Variants in THAP3 observed in about 807,000 individuals in gnomAD.
The protein encoded by THAP3 is THAP domain-containing protein 3.
THAP3 carries 12 observed loss-of-function variants against 17.7 expected under a neutral mutation model. That is an observed-to-expected ratio of 0.68 (90% confidence interval 0.43 to 1.10). THAP3 has a LOEUF of 1.10. THAP3 is among the 50% of genes least tolerant of loss of function. The pLI is 0.00. For missense variants in THAP3, 289 were observed against 318.0 expected, an observed-to-expected ratio of 0.91 and a Z score of 0.69; for synonymous variants, 133 against 126.9, an observed-to-expected ratio of 1.05 and a Z score of -0.32.
intron 4 of THAP3, 36 bp downstream of exon 4, chr1:6,630,389 T>C (rs989769790): frequency 1.2e-6 from 2 of 1,606,730 alleles, no homozygotes; most frequent in African/African-American, 2.7e-5. Context: ...AATGTTTAAA[T>C]TATGCTGTGG....
At chr1:6,627,876 C>CT (rs1487795087) in intron 2 of THAP3, 1 of 152,468 alleles carries the variant, frequency 6.6e-6, no homozygotes, top group Non-Finnish European at 1.5e-5. Context: ...CATCTCACCT[C>CT]TGTCTAGAGC....
chr1:6,633,931 CT>C, downstream of THAP3: 1 of 1,217,272 alleles, frequency 8.2e-7, no homozygotes, highest in South Asian at 1.4e-5. Context: ...AAAAAACTGA[CT>C]TCCTATTTTG....
intron 4 of THAP3, among the ~76,000 whole-genome samples, chr1:6,631,971 C>T (rs1305344660): frequency 6.8e-5 from 10 of 147,864 alleles, no homozygotes; most frequent in East Asian, 6.0e-4. Context: ...TGGTTGAACC[C>T]GGGAGGCAGA....
chr1:6,625,136 GCCCCTCCCCGCAGGTCCCT>G lies in THAP3; in HGVS notation c.-69-7_-58del, dbSNP rs1224410933. 16 of 994,770 alleles carry G rather than the reference GCCCCTCCCCGCAGGTCCCT, an allele frequency of 1.6e-5. No homozygotes were observed. Among genetic ancestry groups the G allele is most frequent in the Non-Finnish European group, 2.2e-5 (15 of 681,162 alleles). 61.6% of individuals were successfully genotyped at this position (994,770 alleles called of 1,614,324 possible). On this transcript the variant is annotated splice_acceptor_variant and splice_polypyrimidine_tract_variant and 5_prime_UTR_variant and intron_variant, in exon 2 of 6. Coordinates refer to ENST00000054650, the MANE Select transcript of THAP3 (RefSeq NM_001195753.2). LOFTEE classifies it low-confidence loss of function (5UTR_SPLICE). ...CCCGTCACCACCTCCCAGCGGCCCCGCCCCTCCCCGCAGGTCCCTCCCCTCTCCGCAGGCCCCGCCGCCG... is the reference window on the plus strand; with the variant it reads ...CCCGTCACCACCTCCCAGCGGCCCCGCCCCTCTCCGCAGGCCCCGCCGCCG...
intron 5 of THAP3, 101 bp from the exon 6 acceptor site, chr1:6,632,695 C>T (rs770859277): frequency 3.3e-6 from 5 of 1,495,654 alleles, no homozygotes; most frequent in Non-Finnish European, 4.6e-6. Flanking sequence ...GAGTGTCTAG[C>T]TGCCCTGGGG....
chr1:6,632,768 C>G, intron 5 of THAP3, 28 bp from the exon 6 acceptor site: 1 of 1,612,074 alleles, frequency 6.2e-7, no homozygotes, highest in South Asian at 1.1e-5. Context: ...GGTGATGCAG[C>G]TCTAGGCTCT....
At chr1:6,635,479 C>T, downstream of THAP3, 1 of 582,854 alleles carries the variant, frequency 1.7e-6, no homozygotes, top group South Asian at 2.3e-5. Context: ...CCCAGTGGGG[C>T]TGCCTCAGTC....
chr1:6,628,601 C>G lies in THAP3; in HGVS notation c.177C>G (p.Phe59Leu). The G allele has an allele frequency of 1.2e-6, 2 of 1,613,860 alleles. No individual in the cohort carries two copies. The highest frequency in any genetic ancestry group is 1.7e-6 in the Non-Finnish European group (2 of 1,180,012). ...KQHTVICSEH[F>L]RPECFSAFGN... ...ACACGGTCATCTGCTCCGAGCACTT[C>G]CGGCCAGAGTGCTTCAGCGCCTTTG... The change falls in exon 3 of 6, where the codon TTC becomes TTG. Residue 59 changes from phenylalanine to leucine, a missense_variant. By Grantham distance (22) the Phe-to-Leu change is conservative (BLOSUM62 0). Coordinates refer to ENST00000054650, the MANE Select transcript of THAP3 (RefSeq NM_001195753.2).
downstream of THAP3, chr1:6,635,487 G>A: frequency 1.6e-6 from 1 of 632,050 alleles, no homozygotes; most frequent in Non-Finnish European, 2.7e-6. Context: ...GGCTGCCTCA[G>A]TCCTACCCCC....
downstream of THAP3, among the ~76,000 whole-genome samples, chr1:6,633,866 C>T (rs1641698380): frequency 6.6e-6 from 1 of 152,132 alleles, no homozygotes; most frequent in South Asian, 2.1e-4. Context: ...GCCGAGATCA[C>T]ACCACTGCCC....
At chr1:6,625,618 C>T (rs1212986745) in intron 2 of THAP3, among the ~76,000 whole-genome samples, 2 of 151,952 alleles carry the variant, frequency 1.3e-5, no homozygotes, top group East Asian at 3.9e-4. Context: ...GCGCGCGGTC[C>T]TGAAGGGAGC....
downstream of THAP3, chr1:6,634,898 T>A: frequency 2.5e-6 from 3 of 1,185,388 alleles, no homozygotes; most frequent in Non-Finnish European, 3.2e-6. Context: ...AGCACTGCAC[T>A]CTGGAGGTGG....
downstream of THAP3, chr1:6,634,221 A>C (rs1641708233): frequency 2.1e-6 from 2 of 946,980 alleles, no homozygotes; most frequent in African/African-American, 1.6e-5. Context: ...AGTCGACTGC[A>C]AATGAAACGC....
rs1641522705 is a variant in THAP3 at position 6,628,528 on chromosome 1, A to C, written c.104A>C (p.Lys35Thr). 2 of 1,613,646 alleles carry C rather than the reference A, an allele frequency of 1.2e-6. No individual in the cohort carries two copies. Among genetic ancestry groups the C allele is most frequent in the African/African-American group, 2.7e-5 (2 of 75,032 alleles). Reference protein sequence around the residue: ...RFPFSRPELLKEWVLNIGRGN... With the variant: ...RFPFSRPELLTEWVLNIGRGN... ...CCGTTCAGCCGCCCGGAGCTGCTGA[A>C]GGAATGGGTGCTGAACATCGGCCGG... The change falls in exon 3 of 6, where the codon AAG (lysine) becomes ACG (threonine). Residue 35 changes from lysine (K) to threonine (T), a missense_variant. Coordinates refer to ENST00000054650, the MANE Select transcript of THAP3 (RefSeq NM_001195753.2).
chr1:6,633,048 G>A lies in THAP3; in HGVS notation c.691G>A (p.Ala231Thr), dbSNP rs1641671896. 6.2e-7 allele frequency: 1 copy of A among 1,607,050 alleles called. No homozygotes were observed. The highest frequency in any genetic ancestry group is 1.3e-5 in the African/African-American group (1 of 74,772). ...RACKGHQGLQ[A>T]RLGPEQQS ...TTGCAAAGGGCACCAGGGACTCCAGGCCAGACTTGGGCCAGAGCAGCAGAG... is the reference window on the plus strand; with the variant it reads ...TTGCAAAGGGCACCAGGGACTCCAGACCAGACTTGGGCCAGAGCAGCAGAG... Residue 231 changes from alanine (A) to threonine (T), a missense_variant, in exon 6 of 6, where the codon GCC becomes ACC. Physicochemically the swap from Ala to Thr is moderately conservative, Grantham distance 58 (BLOSUM62 0). Transcript: ENST00000054650.
chr1:6,633,695 G>C (rs544975599), downstream of THAP3: 32 of 657,682 alleles, frequency 4.9e-5, no homozygotes, highest in South Asian at 7.8e-4. Flanking sequence ...GATCACTTGA[G>C]GTCAGGAGTT....
rs546107115 is a variant in THAP3 at position 6,632,427 on chromosome 1, G to A, written c.370G>A (p.Gly124Arg). ...PEAGAGEDSPGRNMDTALEEL... is the reference protein window; with the variant it reads ...PEAGAGEDSPRRNMDTALEEL... ...GGCGGGGGCCGGAGAGGACAGTCCT[G>A]GGAGAAACATGGACACTGCACTTGA... The change falls in exon 5 of 6, where the codon GGG (glycine) becomes AGG (arginine). Residue 124 changes from glycine (G) to arginine (R), a missense_variant. By Grantham distance (125) the Gly-to-Arg change is moderately radical. Transcript: ENST00000054650. 6.2e-7 allele frequency: 1 copy of A among 1,614,008 alleles called. No individual in the cohort carries two copies. Among genetic ancestry groups the A allele is most frequent in the African/African-American group, 1.3e-5 (1 of 75,046 alleles).
chr1:6,630,408 AG>A (rs1372749571), intron 4 of THAP3, 55 bp downstream of exon 4: 23 of 1,583,980 alleles, frequency 1.5e-5, no homozygotes, highest in Non-Finnish European at 5.2e-6. Flanking sequence ...GGGTTGAGAC[AG>A]GGAGGTGGGA....
chr1:6,626,392 A>G (rs1641470959), intron 2 of THAP3, among the ~76,000 whole-genome samples: 2 of 151,854 alleles, frequency 1.3e-5, no homozygotes, highest in South Asian at 2.1e-4. Flanking sequence ...TCCTGCCCAA[A>G]GGGAACCCTA....
Sources: allele counts gnomAD v4.1 joint callset (sites outside exome capture counted in the v4.1 genomes callset), GRCh38; gene constraint gnomAD v4.1.1; transcripts MANE v1.5; gene names NCBI Gene and HGNC (gene_info 2026-07-23, HGNC 2026-07-21).